Variants in NKAIN3 observed in about 807,000 individuals in gnomAD.
The protein encoded by NKAIN3 is sodium/potassium transporting ATPase interacting 3, also known as sodium/potassium-transporting ATPase subunit beta-1-interacting protein 3.
Under a neutral mutation model 30.2 loss-of-function variants are expected in NKAIN3, and 25 were observed. The ratio of observed to expected loss-of-function variants is 0.83; its 90% confidence interval spans 0.60 to 1.16. The LOEUF is 1.16. Among genes scored for constraint, NKAIN3 ranks in the 50% most tolerant of loss-of-function variants. NKAIN3 has a pLI of 0.00. For missense variants in NKAIN3, 225 were observed against 254.1 expected, an observed-to-expected ratio of 0.89 and a Z score of 0.78; for synonymous variants, 91 against 89.6, an observed-to-expected ratio of 1.02 and a Z score of -0.09.
At chr8:62,794,444 C>T (rs1817796734) in intron 4 of NKAIN3, among the ~76,000 whole-genome samples, 1 of 152,118 alleles carries the variant, frequency 6.6e-6, no homozygotes, top group Non-Finnish European at 1.5e-5. Context: ...ACAGTACTTA[C>T]AAAATAGTCC....
intron 3 of NKAIN3, among the ~76,000 whole-genome samples, chr8:62,593,187 A>G (rs1056964093): frequency 6.6e-6 from 1 of 152,030 alleles, no homozygotes; most frequent in Non-Finnish European, 1.5e-5. Flanking sequence ...ATTCTGGGCC[A>G]TAAGCAAGTC....
At chr8:62,492,791 C>T (rs1025565624) in intron 1 of NKAIN3, among the ~76,000 whole-genome samples, 1 of 152,040 alleles carries the variant, frequency 6.6e-6, no homozygotes. Context: ...AATGAGATTG[C>T]TCGGTCCAGT....
chr8:62,321,903 T>G (rs1270874934), intron 1 of NKAIN3, among the ~76,000 whole-genome samples: 2 of 152,176 alleles, frequency 1.3e-5, no homozygotes, highest in Non-Finnish European at 2.9e-5. Context: ...CTGCGTTTTG[T>G]TTGGTTATGC....
At chr8:62,941,439 T>C (rs550564756) in intron 5 of NKAIN3, among the ~76,000 whole-genome samples, 9 of 151,698 alleles carry the variant, frequency 5.9e-5, no homozygotes, top group Middle Eastern at 3.4e-3. Context: ...CAGGAAAGGA[T>C]ACAACAACAA....
chr8:62,826,251 A>T (rs946914289), intron 4 of NKAIN3, among the ~76,000 whole-genome samples: 1 of 152,128 alleles, frequency 6.6e-6, no homozygotes, highest in Non-Finnish European at 1.5e-5. Context: ...AATAGGTATT[A>T]CCATAAGAGT....
intron 1 of NKAIN3, among the ~76,000 whole-genome samples, chr8:62,295,623 T>A (rs892631859): frequency 6.6e-6 from 1 of 152,184 alleles, no homozygotes; most frequent in African/African-American, 2.4e-5. Flanking sequence ...TTTGGGGGAA[T>A]TCTCCAATTC....
intron 1 of NKAIN3, among the ~76,000 whole-genome samples, chr8:62,428,968 G>T (rs1201639245): frequency 2.6e-5 from 4 of 151,910 alleles, no homozygotes; most frequent in Middle Eastern, 3.2e-3. Context: ...TCCATTCTTA[G>T]ATTTGAGTCT....
chr8:62,915,408 A>T (rs1368199971), intron 4 of NKAIN3, among the ~76,000 whole-genome samples: 1 of 152,140 alleles, frequency 6.6e-6, no homozygotes, highest in Non-Finnish European at 1.5e-5. Flanking sequence ...CAGAATCAGT[A>T]GCTAAGGAAC....
At chr8:62,344,959 G>C (rs558320406) in intron 1 of NKAIN3, 1 of 260,280 alleles carries the variant, frequency 3.8e-6, no homozygotes, top group Non-Finnish European at 7.6e-6. Flanking sequence ...TTATTTATTT[G>C]TGTCTTTCTC....
intron 5 of NKAIN3, among the ~76,000 whole-genome samples, chr8:62,932,464 G>A (rs1302396392): frequency 6.6e-6 from 1 of 152,204 alleles, no homozygotes; most frequent in African/African-American, 2.4e-5. Flanking sequence ...AGAACATATA[G>A]TATGGTCTCA....
At chr8:62,882,165 C>G (rs1479534624) in intron 4 of NKAIN3, among the ~76,000 whole-genome samples, 2 of 151,888 alleles carry the variant, frequency 1.3e-5, no homozygotes, top group Non-Finnish European at 2.9e-5. Context: ...TATCAGATGC[C>G]TCTTTTGCAT....
chr8:62,687,558 T>C (rs188256924), intron 3 of NKAIN3, among the ~76,000 whole-genome samples: 308 of 152,304 alleles, frequency 2.0e-3, no homozygotes, highest in African/African-American at 6.6e-3. Flanking sequence ...ACAGATGTGT[T>C]CTCTTGTATT....
chr8:62,874,977 C>A (rs981951041), intron 4 of NKAIN3, among the ~76,000 whole-genome samples: 1 of 152,042 alleles, frequency 6.6e-6, no homozygotes, highest in Admixed American at 6.6e-5. Flanking sequence ...GGCAATCAGG[C>A]AAGAGAAAGA....
chr8:62,309,477 ATCAC>A (rs1031250587), intron 1 of NKAIN3, among the ~76,000 whole-genome samples: 2 of 150,632 alleles, frequency 1.3e-5, no homozygotes, highest in Non-Finnish European at 2.9e-5. Flanking sequence ...AGATACAATC[ATCAC>A]TCACCTTGGT....
intron 1 of NKAIN3, among the ~76,000 whole-genome samples, chr8:62,384,915 G>A (rs1156931011): frequency 2.0e-5 from 3 of 152,082 alleles, no homozygotes; most frequent in African/African-American, 7.2e-5. Flanking sequence ...GTAGTTTGTT[G>A]TAAAAAATTT....
intron 4 of NKAIN3, among the ~76,000 whole-genome samples, chr8:62,849,091 G>A (rs540520907): frequency 9.9e-5 from 15 of 152,140 alleles, no homozygotes; most frequent in South Asian, 2.1e-4. Flanking sequence ...TTTTTGCATC[G>A]ATGTTCATCC....
chr8:62,761,473 G>A lies in NKAIN3; in HGVS notation c.471+14344G>A, dbSNP rs1248602210. On this transcript the variant is annotated intron_variant, in intron 4 of 6. Coordinates refer to ENST00000623646, the MANE Select transcript of NKAIN3 (RefSeq NM_001304533.3). The stretch of plus-strand genomic sequence containing the variant: ...CAGAGACAGCTTCTAAAAGCTTTTA[G>A]CATCCACTCCCTGATCAACACCAAG... Among the ~76,000 whole-genome samples, 7 of 152,246 alleles carry A rather than the reference G, an allele frequency of 4.6e-5. No individual in the cohort carries two copies. The South Asian group carries it at 1.2e-3, about 27-fold the overall frequency.
chr8:62,692,262 A>G (rs1814005752), intron 3 of NKAIN3, among the ~76,000 whole-genome samples: 1 of 152,218 alleles, frequency 6.6e-6, no homozygotes, highest in African/African-American at 2.4e-5. Flanking sequence ...TTGTATTGTA[A>G]AGGGCATAGA....
At chr8:62,855,239 G>A in intron 4 of NKAIN3, 1 of 418,662 alleles carries the variant, frequency 2.4e-6, no homozygotes, top group Non-Finnish European at 4.5e-6. Flanking sequence ...CATTTTAACT[G>A]GCTGGGAACA....
Sources: gnomAD v4.1 joint callset for allele counts (sites outside exome capture counted in the v4.1 genomes callset) on GRCh38, gnomAD v4.1.1 for gene constraint, MANE v1.5 for transcripts, NCBI Gene and HGNC (gene_info 2026-07-23, HGNC 2026-07-21) for gene names.